Variants in DIAPH2 observed in about 807,000 individuals in gnomAD.
The protein encoded by DIAPH2 is diaphanous related formin 2, also known as protein diaphanous homolog 2.
A neutral mutation model predicts 92.7 loss-of-function variants in DIAPH2; 35 were observed. The observed-to-expected ratio is 0.38, with a 90% CI of 0.29 to 0.50. DIAPH2 has a LOEUF of 0.50. Among genes scored for constraint, DIAPH2 ranks in the 20% least tolerant of loss-of-function variants. The pLI is 0.94. For missense variants in DIAPH2, 701 were observed against 819.5 expected, an observed-to-expected ratio of 0.86 and a Z score of 1.77; for synonymous variants, 301 against 280.4, an observed-to-expected ratio of 1.07 and a Z score of -0.73.
intron 4 of DIAPH2, among the ~76,000 whole-genome samples, chrX:96,871,714 A>G (rs1222907999): frequency 8.9e-6 from 1 of 111,749 alleles, no homozygotes; most frequent in Non-Finnish European, 1.9e-5. Context: ...ATTAAAATGT[A>G]CTTATAAAAT....
chrX:97,457,800 G>T (rs955566237), intron 26 of DIAPH2, among the ~76,000 whole-genome samples: 3 of 112,172 alleles, frequency 2.7e-5, no homozygotes, highest in Non-Finnish European at 5.6e-5. Flanking sequence ...AGAGGCTCAA[G>T]GGAGCATGTT....
At chrX:96,764,133 A>T (rs957566335) in intron 4 of DIAPH2, among the ~76,000 whole-genome samples, 1 of 111,440 alleles carries the variant, frequency 9.0e-6, no homozygotes, top group Non-Finnish European at 1.9e-5. Flanking sequence ...CCTAGTTGAT[A>T]TGTGTTGAAA....
At chrX:97,209,482 ACT>A (rs758412003) in intron 22 of DIAPH2, among the ~76,000 whole-genome samples, 17 of 111,321 alleles carry the variant, frequency 1.5e-4, no homozygotes, top group East Asian at 2.8e-4. Context: ...AATTCCTATG[ACT>A]CTGAATGAAA....
At chrX:97,341,746 A>AAG (rs905419383) in intron 23 of DIAPH2, among the ~76,000 whole-genome samples, 1 of 111,010 alleles carries the variant, frequency 9.0e-6, no homozygotes, top group Non-Finnish European at 1.9e-5. Flanking sequence ...TCAGCTCCAG[A>AAG]AGAGAGAGAG....
intron 23 of DIAPH2, among the ~76,000 whole-genome samples, chrX:97,307,400 T>G (rs1376941703): frequency 8.9e-6 from 1 of 112,223 alleles, no homozygotes; most frequent in Non-Finnish European, 1.9e-5. Context: ...CTTTCATTTC[T>G]GTTATGAGAT....
At position 96,799,057 on chromosome X, in the gene DIAPH2, G is replaced by GT. The variant is rs72361356; in HGVS notation, c.447+40812dup. Among the ~76,000 whole-genome samples, 781 of 100,870 alleles carry GT rather than the reference G, an allele frequency of 7.7e-3. 5 individuals are homozygous for GT. Among genetic ancestry groups the GT allele is most frequent in the South Asian group, 0.026 (57 of 2,227 alleles). 87.6% of individuals were successfully genotyped at this position (100,870 alleles called of 115,157 possible). A position where few individuals can be genotyped will look rare whatever the true frequency, so the allele number is the denominator to read the frequency against. On this transcript the variant is annotated intron_variant, in intron 4 of 26. Coordinates refer to ENST00000324765, the MANE Select transcript of DIAPH2 (RefSeq NM_006729.5). ...GACTCCACTGCAGATATCTGGAACT[G>GT]TTTTTTTTTTTTTCTGTGGGGATTC...
At chrX:97,043,090 A>G (rs1294876783) in intron 17 of DIAPH2, among the ~76,000 whole-genome samples, 1 of 111,827 alleles carries the variant, frequency 8.9e-6, no homozygotes, top group Non-Finnish European at 1.9e-5. Flanking sequence ...TTATGACTGT[A>G]TATGTTACTG....
At chrX:97,076,921 G>GAC (rs1477781708) in intron 19 of DIAPH2, among the ~76,000 whole-genome samples, 1 of 111,073 alleles carries the variant, frequency 9.0e-6, no homozygotes, top group Non-Finnish European at 1.9e-5. Flanking sequence ...GTTTGCTGAG[G>GAC]ACTTTTTTAA....
At chrX:97,593,994 TA>T (rs369347256) in intron 26 of DIAPH2, among the ~76,000 whole-genome samples, 3 of 111,751 alleles carry the variant, frequency 2.7e-5, no homozygotes, top group Admixed American at 9.6e-5. Context: ...CAATTGGATT[TA>T]AATTAATACA....
chrX:97,581,107 T>C (rs2071438579), intron 26 of DIAPH2, among the ~76,000 whole-genome samples: 1 of 104,323 alleles, frequency 9.6e-6, no homozygotes, highest in Non-Finnish European at 2.0e-5. Flanking sequence ...TTGTTGATCC[T>C]TTCAAAAAAC....
chrX:96,833,075 C>A (rs1190782253), intron 4 of DIAPH2, among the ~76,000 whole-genome samples: 2 of 111,173 alleles, frequency 1.8e-5, no homozygotes, highest in Non-Finnish European at 3.8e-5. Flanking sequence ...ATATGTACAC[C>A]TAATTAGCTC....
In DIAPH2 at chrX:96,725,716, T is replaced by C. The variant is rs1322077962; in HGVS notation, c.133-10042T>C. ...GGGATTGTTTGCAAATTCAAGACCA[T>C]CAGTTAAAAGTACTAATAGTGAAGT... On this transcript the variant is annotated intron_variant, in intron 1 of 26. Transcript: ENST00000324765. 3.6e-5 allele frequency among the ~76,000 whole-genome samples: 4 copies of C among 112,284 alleles called. No homozygotes were observed. In the East Asian group the frequency reaches 1.1e-3, roughly 31 times the overall value.
At chrX:97,325,543 G>GTTATTTTATTTTATT (rs58975226) in intron 23 of DIAPH2, among the ~76,000 whole-genome samples, 1,318 of 95,065 alleles carry the variant, frequency 0.014, 15 homozygotes, top group Middle Eastern at 0.031. Flanking sequence ...TCATCTTAAT[G>GTTATTTTATTTTATT]TTATTTTATT....
intron 26 of DIAPH2, among the ~76,000 whole-genome samples, chrX:97,548,633 A>G (rs1446471456): frequency 8.9e-6 from 1 of 112,451 alleles, no homozygotes; most frequent in Admixed American, 9.4e-5. Flanking sequence ...CTTTAAAGCA[A>G]TGTAATATTT....
intron 17 of DIAPH2, among the ~76,000 whole-genome samples, chrX:96,998,200 T>C (rs1220584601): frequency 8.9e-6 from 1 of 111,949 alleles, no homozygotes; most frequent in Non-Finnish European, 1.9e-5. Flanking sequence ...ATATTGTACC[T>C]CAATAAAAAT....
rs371112381 is a variant in DIAPH2 at position 97,356,062 on chromosome X, A to T, written c.3009+7782A>T. Among the ~76,000 whole-genome samples, 25 of 111,794 alleles carry T rather than the reference A, an allele frequency of 2.2e-4. No individual in the cohort carries two copies. In the East Asian group the frequency reaches 5.9e-3, roughly 27 times the overall value. ...AAGGGTACAGTTTCCTACTGCTCCAATTTTGTCATCAATCTTGAAGTACCA... is the reference window on the plus strand; with the variant it reads ...AAGGGTACAGTTTCCTACTGCTCCATTTTTGTCATCAATCTTGAAGTACCA... On this transcript the variant is annotated intron_variant, in intron 24 of 26. Transcript: ENST00000324765.
At chrX:97,075,796 A>T (rs1411988060) in intron 19 of DIAPH2, among the ~76,000 whole-genome samples, 1 of 111,862 alleles carries the variant, frequency 8.9e-6, no homozygotes, top group Non-Finnish European at 1.9e-5. Flanking sequence ...ATCCTATGAG[A>T]TAAGCACTAT....
chrX:97,357,284 G>A (rs1056128129), intron 24 of DIAPH2, among the ~76,000 whole-genome samples: 1 of 111,683 alleles, frequency 9.0e-6, no homozygotes, highest in Admixed American at 9.5e-5. Flanking sequence ...AATACTACTG[G>A]TGGCACCCTC....
At chrX:97,081,851 T>C (rs932821633) in intron 19 of DIAPH2, 2 of 107,601 alleles carry the variant, frequency 1.9e-5, no homozygotes, top group South Asian at 4.2e-4. Context: ...TGGCCGGGCG[T>C]GGTGGCTCAT....
Sources: allele counts gnomAD v4.1 joint callset (sites outside exome capture counted in the v4.1 genomes callset), GRCh38; gene constraint gnomAD v4.1.1; transcripts MANE v1.5; gene names NCBI Gene and HGNC (gene_info 2026-07-23, HGNC 2026-07-21).